TOX: variants seen among roughly 807,000 people sequenced by gnomAD.
The protein encoded by TOX is thymocyte selection-associated high mobility group box protein TOX.
A neutral mutation model predicts 53.7 loss-of-function variants in TOX; 11 were observed. That is an observed-to-expected ratio of 0.20 (90% CI 0.13 to 0.34). TOX has a LOEUF of 0.34. Among genes scored for constraint, TOX ranks in the 10% least tolerant of loss-of-function variants. The pLI, the probability that TOX is intolerant of heterozygous loss-of-function variation, is 1.00. For synonymous variants in TOX, 225 were observed against 245.3 expected (o/e 0.92, Z 0.77); for missense variants, 570 against 664.6 (o/e 0.86, Z 1.56).
intron 4 of TOX, among the ~76,000 whole-genome samples, chr8:58,840,442 C>T (rs1436612153): frequency 6.6e-6 from 1 of 152,158 alleles, no homozygotes; most frequent in Non-Finnish European, 1.5e-5. Context: ...CATAACAATG[C>T]TATATTAAAA....
chr8:59,093,052 G>A (rs1006854709), intron 1 of TOX, among the ~76,000 whole-genome samples: 3 of 152,200 alleles, frequency 2.0e-5, no homozygotes, highest in Non-Finnish European at 2.9e-5. Flanking sequence ...TGGAATATGA[G>A]GCTATATCTG....
At chr8:59,036,218 G>A (rs1301874185) in intron 1 of TOX, among the ~76,000 whole-genome samples, 8 of 152,230 alleles carry the variant, frequency 5.3e-5, no homozygotes, top group Non-Finnish European at 7.3e-5. Context: ...TAAGAGCAAT[G>A]AGGTGAAAAG....
chr8:58,827,774 A>G (rs768199105), intron 5 of TOX, among the ~76,000 whole-genome samples: 2 of 152,242 alleles, frequency 1.3e-5, no homozygotes, highest in Non-Finnish European at 2.9e-5. Context: ...AGCAGTCATT[A>G]GAGTTGAAAA....
chr8:58,841,431 T>C (rs1810639795), intron 4 of TOX, among the ~76,000 whole-genome samples: 2 of 152,226 alleles, frequency 1.3e-5, no homozygotes, highest in South Asian at 4.1e-4. Context: ...TGATAATATT[T>C]TGTAAACATG....
intron 1 of TOX, among the ~76,000 whole-genome samples, chr8:59,017,153 G>A (rs976090924): frequency 1.3e-5 from 2 of 152,186 alleles, no homozygotes; most frequent in Non-Finnish European, 2.9e-5. Context: ...CAATTCTAAG[G>A]CTGGTATTAC....
chr8:59,002,681 A>T (rs1309326232), intron 1 of TOX, among the ~76,000 whole-genome samples: 1 of 152,308 alleles, frequency 6.6e-6, no homozygotes, highest in East Asian at 1.9e-4. Context: ...ACCATTTAGC[A>T]TGTATATGTC....
intron 3 of TOX, among the ~76,000 whole-genome samples, chr8:58,926,415 T>C (rs1299170296): frequency 3.9e-5 from 6 of 152,202 alleles, no homozygotes; most frequent in African/African-American, 1.4e-4. Context: ...GCCACGTCAA[T>C]TTATCATTCT....
Position 58,807,782 on chromosome 8 carries a change from C to T in TOX, c.1546G>A (p.Gly516Ser), listed in dbSNP as rs1810004690. 4 of 1,614,062 alleles carry T rather than the reference C, an allele frequency of 2.5e-6. No homozygotes were observed. The East Asian group carries it at 6.7e-5, about 27-fold the overall frequency. ...TACAGTGCTTTGTCCCTCTGCATGCCCCTGTAGGAAGAGAAAAAAGACAGT... is the reference window on the plus strand; with the variant it reads ...TACAGTGCTTTGTCCCTCTGCATGCTCCTGTAGGAAGAGAAAAAAGACAGT... Reference protein sequence around the residue: ...DWNNDYCSSGGMQRDKALYLT With the variant: ...DWNNDYCSSGSMQRDKALYLT The change falls in exon 9 of 9, where the codon GGC (glycine) becomes AGC (serine). Residue 516 changes from glycine to serine, a missense_variant and splice_region_variant. Gly to Ser is a moderately conservative substitution (Grantham distance 56). Around this residue, in one of 3 missense-constraint regions of TOX, gnomAD observed 239 missense variants for 250.7 expected, o/e 0.95. Coordinates refer to ENST00000361421, the MANE Select transcript of TOX (RefSeq NM_014729.3).
At chr8:58,884,327 A>G (rs928670367) in intron 3 of TOX, among the ~76,000 whole-genome samples, 18 of 152,176 alleles carry the variant, frequency 1.2e-4, no homozygotes, top group South Asian at 2.1e-4. Flanking sequence ...GACCTCTGTC[A>G]TCTAAGAAGG....
At chr8:58,833,450 T>C (rs1810496895) in intron 5 of TOX, among the ~76,000 whole-genome samples, 1 of 152,176 alleles carries the variant, frequency 6.6e-6, no homozygotes, top group South Asian at 2.1e-4. Context: ...GGTCCTCCAC[T>C]ACAATGACCA....
chr8:58,817,615 A>C (rs1810203101), intron 6 of TOX, among the ~76,000 whole-genome samples: 1 of 152,186 alleles, frequency 6.6e-6, no homozygotes. Flanking sequence ...CTGTGTGTTT[A>C]AGTAATCTGG....
At chr8:59,109,028 A>G (rs557050487) in intron 1 of TOX, among the ~76,000 whole-genome samples, 2 of 152,312 alleles carry the variant, frequency 1.3e-5, no homozygotes, top group African/African-American at 4.8e-5. Context: ...AATTAAGAAA[A>G]TAATATCTCA....
At chr8:58,953,819 C>G (rs1283223803) in intron 2 of TOX, among the ~76,000 whole-genome samples, 2 of 152,070 alleles carry the variant, frequency 1.3e-5, no homozygotes, top group Non-Finnish European at 2.9e-5. Context: ...AAATTTATGT[C>G]ACAATCAACA....
At chr8:58,930,391 A>G (rs1430604953) in intron 3 of TOX, among the ~76,000 whole-genome samples, 6 of 152,244 alleles carry the variant, frequency 3.9e-5, no homozygotes, top group Non-Finnish European at 5.9e-5. Flanking sequence ...AATGAAACCA[A>G]GTAAACTCTC....
chr8:59,109,421 A>T (rs1369959575), intron 1 of TOX, among the ~76,000 whole-genome samples: 4 of 152,144 alleles, frequency 2.6e-5, no homozygotes, highest in Admixed American at 2.6e-4. Context: ...AGGAAAATGA[A>T]CAGATATGTT....
At chr8:59,080,068 C>T (rs530560410) in intron 1 of TOX, among the ~76,000 whole-genome samples, 15 of 151,792 alleles carry the variant, frequency 9.9e-5, no homozygotes, top group Admixed American at 2.6e-4. Flanking sequence ...CTGCAACCTC[C>T]GCCTCCTGGG....
chr8:58,861,513 G>A (rs1315137573), intron 3 of TOX, among the ~76,000 whole-genome samples: 1 of 152,178 alleles, frequency 6.6e-6, no homozygotes, highest in East Asian at 1.9e-4. Flanking sequence ...ACATGCTACT[G>A]TTTGCTCATA....
chr8:58,939,604 T>C (rs1329001318), intron 2 of TOX, 60 bp from the exon 3 acceptor site: 4 of 1,530,112 alleles, frequency 2.6e-6, no homozygotes, highest in Non-Finnish European at 3.5e-6. Flanking sequence ...TTCATCATCA[T>C]ATCAAACACT....
intron 6 of TOX, 25 bp downstream of exon 6, chr8:58,826,796 CA>C (rs1810374050): frequency 6.3e-7 from 1 of 1,583,020 alleles, no homozygotes; most frequent in African/African-American, 1.4e-5. Context: ...CACAATCCTT[CA>C]CAATATCACA....
Sources: gnomAD v4.1 joint callset for allele counts (sites outside exome capture counted in the v4.1 genomes callset) on GRCh38, gnomAD v4.1.1 for gene constraint, gnomAD v4.1.1 regional missense constraint, MANE v1.5 for transcripts, NCBI Gene and HGNC (gene_info 2026-07-23, HGNC 2026-07-21) for gene names.